Variants in ZMYND8 observed in about 807,000 individuals in gnomAD.
The protein encoded by ZMYND8 is MYND-type zinc finger-containing chromatin reader ZMYND8.
ZMYND8 carries 37 observed loss-of-function variants against 140.8 expected under a neutral mutation model. That is an observed-to-expected ratio of 0.26 (90% CI 0.20 to 0.35). The LOEUF is 0.35. ZMYND8 is among the 10% of genes least tolerant of loss of function. The pLI, the probability that ZMYND8 is intolerant of heterozygous loss-of-function variation, is 1.00. For missense variants in ZMYND8, 1,068 were observed against 1,570.0 expected, an observed-to-expected ratio of 0.68 and a Z score of 5.40; for synonymous variants, 592 against 597.1, an observed-to-expected ratio of 0.99 and a Z score of 0.12.
intron 15 of ZMYND8, chr20:47,238,231 T>C (rs2039485739): frequency 5.9e-6 from 1 of 170,818 alleles, no homozygotes; most frequent in Non-Finnish European, 1.3e-5. Context: ...TGTGCTGATG[T>C]GGATGGACCT....
chr20:47,351,126 T>TA lies in ZMYND8; in HGVS notation c.15-3201dup, dbSNP rs1487166306. 3.3e-5 allele frequency among the ~76,000 whole-genome samples: 5 copies of TA among 152,332 alleles called. No homozygotes were observed. In the Middle Eastern group the frequency reaches 0.01, roughly 311 times the overall value. ...CCCCCAGTGCCTGAGCAAGAAAACC[T>TA]ATGCTTACTTCTTAACCTGCATGCA... On this transcript the variant is annotated intron_variant, in intron 1 of 22. Coordinates refer to ENST00000471951, the MANE Select transcript of ZMYND8 (RefSeq NM_001281775.3).
chr20:47,349,633 C>T (rs373948439), intron 1 of ZMYND8, among the ~76,000 whole-genome samples: 2 of 152,316 alleles, frequency 1.3e-5, no homozygotes, highest in Admixed American at 6.5e-5. Context: ...CCCCATGCAG[C>T]CCTCGGAGAT....
chr20:47,261,690 T>C (rs2075169886), intron 12 of ZMYND8, among the ~76,000 whole-genome samples: 1 of 152,208 alleles, frequency 6.6e-6, no homozygotes, highest in Non-Finnish European at 1.5e-5. Flanking sequence ...TGATTCCTCC[T>C]ACTTGCTTCT....
At chr20:47,249,098 C>T (rs919756557) in intron 13 of ZMYND8, among the ~76,000 whole-genome samples, 189 bp downstream of exon 13, 2 of 152,090 alleles carry the variant, frequency 1.3e-5, no homozygotes, top group African/African-American at 4.8e-5. Context: ...TCAAAAAGCC[C>T]TGAATTAACT....
At position 47,246,351 on chromosome 20, in the gene ZMYND8, T is replaced by C. The variant is rs749653364; in HGVS notation, c.1941A>G (p.Lys647=). 22 of 1,614,040 alleles carry C rather than the reference T, an allele frequency of 1.4e-5. No individual in the cohort carries two copies. In the Admixed American group the frequency reaches 3.5e-4, roughly 26 times the overall value. The change falls in exon 14 of 23, where the codon AAA becomes AAG. Residue 647 remains lysine (K), a synonymous_variant. Transcript: ENST00000471951. ...GCTTTTTTTTAACAGCAGATGGCTC[T>C]TTGTCCATCTGACAACCTTCTTTGT... is the stretch of plus-strand genomic sequence containing the variant. ...TEDKEGCQMD[K]EPSAVKKKPK... is the part of the protein sequence containing the mutation.
At chr20:47,249,935 G>C (rs1184820373) in intron 12 of ZMYND8, among the ~76,000 whole-genome samples, 4 of 152,118 alleles carry the variant, frequency 2.6e-5, no homozygotes, top group African/African-American at 9.7e-5. Context: ...TTGCCACAGA[G>C]GCTTCATTTT....
chr20:47,265,776 G>T (rs529530699), intron 11 of ZMYND8, among the ~76,000 whole-genome samples: 1 of 152,100 alleles, frequency 6.6e-6, no homozygotes, highest in Non-Finnish European at 1.5e-5. Context: ...ATTCATGTGT[G>T]CTAAAAAATT....
chr20:47,218,373 C>T (rs2036437010), intron 21 of ZMYND8, among the ~76,000 whole-genome samples: 1 of 152,202 alleles, frequency 6.6e-6, no homozygotes, highest in South Asian at 2.1e-4. Flanking sequence ...CTTGGACCTT[C>T]CTCACACCAC....
At position 47,238,954 on chromosome 20, in the gene ZMYND8, C is replaced by G. The variant is rs761801914; in HGVS notation, c.2469G>C (p.Arg823Ser). 3 of 1,612,958 alleles carry G rather than the reference C, an allele frequency of 1.9e-6. No homozygotes were observed. Among genetic ancestry groups the G allele is most frequent in the Admixed American group, 1.7e-5 (1 of 60,000 alleles). The change falls in exon 15 of 23, where the codon AGG becomes AGC. Residue 823 changes from arginine to serine, a missense_variant. Physicochemically the swap from Arg to Ser is moderately radical, Grantham distance 110. Around this residue, in one of 10 missense-constraint regions of ZMYND8, gnomAD observed 383 missense variants for 431.2 expected, o/e 0.89. Transcript: ENST00000471951. Reference sequence around the variant, plus strand: ...GGGCAGTCTCCTTCGGTAAAAGCGGCCTCTGCTTTTTCACTGGGCTTCCTG... The same window carrying G: ...GGGCAGTCTCCTTCGGTAAAAGCGGGCTCTGCTTTTTCACTGGGCTTCCTG... ...AATGSPVKKQ[R>S]PLLPKETAPA...
Position 47,337,012 on chromosome 20 carries a change from T to C in ZMYND8, c.85+10844A>G, listed in dbSNP as rs113821725. On this transcript the variant is annotated intron_variant, in intron 2 of 22. Coordinates refer to ENST00000471951, the MANE Select transcript of ZMYND8 (RefSeq NM_001281775.3). Reference sequence around the variant, plus strand: ...TGGTTAAGTACAAAGGTTTAAAATCTAGGGACATTAAACACTCTTATCAAA... The same window carrying C: ...TGGTTAAGTACAAAGGTTTAAAATCCAGGGACATTAAACACTCTTATCAAA... 4.7e-5 allele frequency among the ~76,000 whole-genome samples: 7 copies of C among 147,804 alleles called. 1 individual carries two copies. The highest frequency in any genetic ancestry group is 1.8e-4 in the African/African-American group (7 of 39,778).
chr20:47,337,714 G>T (rs2081499685), intron 2 of ZMYND8, among the ~76,000 whole-genome samples: 2 of 152,100 alleles, frequency 1.3e-5, no homozygotes, highest in South Asian at 4.1e-4. Context: ...CTGGCATCGA[G>T]ATGGCACTTC....
intron 3 of ZMYND8, among the ~76,000 whole-genome samples, chr20:47,302,112 A>G (rs904984875): frequency 6.6e-6 from 1 of 152,200 alleles, no homozygotes; most frequent in African/African-American, 2.4e-5. Context: ...TACATTACCC[A>G]GTCTCGGGTA....
intron 11 of ZMYND8, among the ~76,000 whole-genome samples, chr20:47,274,073 GTA>G (rs11469298): frequency 0.63 from 95,350 of 151,874 alleles, 30,568 homozygotes; most frequent in African/African-American, 0.77. Context: ...AAAGAATGAG[GTA>G]TATTTTTCCA....
At chr20:47,336,493 C>T (rs1236716567) in intron 2 of ZMYND8, among the ~76,000 whole-genome samples, 14 of 152,164 alleles carry the variant, frequency 9.2e-5, no homozygotes, top group Admixed American at 4.6e-4. Flanking sequence ...AGGATCAAGA[C>T]GCAAGCAGCC....
At position 47,347,745 on chromosome 20, in the gene ZMYND8, G is replaced by A; in HGVS notation, c.85+111C>T. On this transcript the variant is annotated intron_variant, in intron 2 of 22. Transcript: ENST00000471951. Reference sequence around the variant, plus strand: ...AATCTTATATCTGAAAATCCAAGAAGAGTTACAACGTCGGCTCAGAGAGCC... The same window carrying A: ...AATCTTATATCTGAAAATCCAAGAAAAGTTACAACGTCGGCTCAGAGAGCC... 4.0e-6 allele frequency: 4 copies of A among 1,006,940 alleles called. No individual in the cohort carries two copies. In the South Asian group the frequency reaches 5.8e-5, roughly 14 times the overall value. The allele number at this position is 1,006,940 out of a possible 1,614,324, so 62.4% of individuals were successfully genotyped here. A position where few individuals can be genotyped will look rare whatever the true frequency, so the allele number is the denominator to read the frequency against.
chr20:47,257,315 T>C (rs939519830), intron 12 of ZMYND8, among the ~76,000 whole-genome samples: 1 of 152,032 alleles, frequency 6.6e-6, no homozygotes, highest in Non-Finnish European at 1.5e-5. Context: ...TATACTCATA[T>C]GCCATATACA....
intron 8 of ZMYND8, chr20:47,285,607 G>T (rs922591406): frequency 1.1e-6 from 1 of 882,266 alleles, no homozygotes; most frequent in Non-Finnish European, 1.4e-6. Context: ...ATTGTAACTG[G>T]AACATCTGAC....
intron 2 of ZMYND8, among the ~76,000 whole-genome samples, chr20:47,318,137 T>C (rs1025417930): frequency 4.6e-5 from 7 of 152,098 alleles, no homozygotes; most frequent in East Asian, 1.9e-4. Flanking sequence ...TTCAAAGCTA[T>C]GGAAAACACC....
At chr20:47,332,013 C>CCAA (rs968714104) in intron 2 of ZMYND8, among the ~76,000 whole-genome samples, 1 of 152,114 alleles carries the variant, frequency 6.6e-6, no homozygotes, top group African/African-American at 2.4e-5. Context: ...ACCAGCCTGA[C>CCAA]CAACATGGTG....
Sources: allele counts gnomAD v4.1 joint callset (sites outside exome capture counted in the v4.1 genomes callset), GRCh38; gene constraint gnomAD v4.1.1; regional missense constraint gnomAD v4.1.1; transcripts MANE v1.5; gene names NCBI Gene and HGNC (gene_info 2026-07-23, HGNC 2026-07-21).